The following SPATA9 variants were observed in gnomAD, a reference collection of about 807,000 sequenced individuals.
The protein encoded by SPATA9 is spermatogenesis-associated protein 9.
SPATA9 carries 27 observed loss-of-function variants against 25.5 expected under a neutral mutation model. The observed-to-expected ratio is 1.06, with a 90% CI of 0.78 to 1.46. The LOEUF is 1.46. SPATA9 is among the 40% of genes most tolerant of loss of function. The probability of loss-of-function intolerance (pLI) is 0.00; values close to 1 mark genes in which losing one functional copy is unlikely to be tolerated. For synonymous variants in SPATA9, 102 were observed against 105.7 expected, an observed-to-expected ratio of 0.97 and a Z score of 0.21; for missense variants, 282 against 297.5, an observed-to-expected ratio of 0.95 and a Z score of 0.38.
chr5:95,692,939 A>C (rs541405360), intron 1 of SPATA9, among the ~76,000 whole-genome samples: 1 of 152,316 alleles, frequency 6.6e-6, no homozygotes, highest in South Asian at 2.1e-4. Flanking sequence ...CGATACATTG[A>C]ATTTATTGAC....
At chr5:95,714,569 C>T in the SPATA9 span, among the ~76,000 whole-genome samples, 1 of 152,086 alleles carries the variant, frequency 6.6e-6, no homozygotes, top group East Asian at 1.9e-4. Flanking sequence ...GACCTTGAAA[C>T]AGCAGTGTGA....
At chr5:95,706,644 ATTAAG>A in the SPATA9 span, among the ~76,000 whole-genome samples, 1 of 152,132 alleles carries the variant, frequency 6.6e-6, no homozygotes, top group South Asian at 2.1e-4. Flanking sequence ...AGACAGGTAA[ATTAAG>A]TTGTTTCTCT....
At chr5:95,710,108 C>A in the SPATA9 span, among the ~76,000 whole-genome samples, 8 of 152,168 alleles carry the variant, frequency 5.3e-5, no homozygotes, top group Admixed American at 2.0e-4. Flanking sequence ...CTTGTAAAGC[C>A]TGAGCCCACG....
intron 4 of SPATA9, among the ~76,000 whole-genome samples, chr5:95,662,711 G>T (rs1751377345): frequency 1.3e-5 from 2 of 152,288 alleles, no homozygotes; most frequent in South Asian, 4.1e-4. Flanking sequence ...TTTTAAGAAA[G>T]ACATCTCTCA....
rs1214408619 is a variant in SPATA9, at chr5:95,691,172, T to C, written n.124+7416A>G. Among the ~76,000 whole-genome samples the C allele has an allele frequency of 2.0e-5, 3 of 149,412 alleles. No individual in the cohort carries two copies. The East Asian group carries it at 5.9e-4, about 30-fold the overall frequency. ...GGGAGCTTGCAGTGAGCCGAGATCG[T>C]GCCACTGCACTCCAGCCTGGGCGAC... On this transcript the variant is annotated intron_variant and non_coding_transcript_variant, in intron 1 of 2. Transcript: ENST00000379990.
Position 95,663,948 on chromosome 5 carries a change from C to T in SPATA9, c.474+5G>A, listed in dbSNP as rs748027420. The T allele has an allele frequency of 6.7e-7, 1 of 1,491,472 alleles. No homozygotes were observed. The highest frequency in any genetic ancestry group is 2.0e-5 in the Admixed American group (1 of 49,144). The allele number at this position is 1,491,472 out of a possible 1,614,324, so 92.4% of individuals were successfully genotyped here. A position where few individuals can be genotyped will look rare whatever the true frequency, so the allele number is the denominator to read the frequency against. On this transcript the variant is annotated splice_donor_5th_base_variant and intron_variant, in intron 4 of 4. Coordinates refer to ENST00000274432, the MANE Select transcript of SPATA9 (RefSeq NM_031952.4). ...TTCTAGATTCTAATAATTTTCTTAA[C>T]TTACCAAATAAATTAGTGCTGCATA...
chr5:95,653,385 T>G (rs749454659), downstream of SPATA9, among the ~76,000 whole-genome samples: 5 of 152,240 alleles, frequency 3.3e-5, no homozygotes, highest in Non-Finnish European at 7.3e-5. Flanking sequence ...AGCAGAAGGC[T>G]GAAAACAATG....
chr5:95,708,171 C>A, the SPATA9 span, among the ~76,000 whole-genome samples: 4 of 152,050 alleles, frequency 2.6e-5, no homozygotes, highest in Admixed American at 6.6e-5. Context: ...TAGATTTTCT[C>A]GAACTTTTGG....
upstream of SPATA9, among the ~76,000 whole-genome samples, chr5:95,683,467 G>A (rs555150423): frequency 1.3e-4 from 20 of 152,138 alleles, no homozygotes; most frequent in South Asian, 3.9e-3. Context: ...TAGTTCCCCC[G>A]ATCAAATATG....
At chr5:95,674,984 A>G (rs1752784192) in intron 3 of SPATA9, among the ~76,000 whole-genome samples, 1 of 152,246 alleles carries the variant, frequency 6.6e-6, no homozygotes. Flanking sequence ...TCAACAAAAT[A>G]TAACACAGCC....
At chr5:95,721,844 T>A in the SPATA9 span, among the ~76,000 whole-genome samples, 4 of 152,194 alleles carry the variant, frequency 2.6e-5, no homozygotes, top group African/African-American at 9.7e-5. Context: ...CTAGGTGATC[T>A]ATTAGAATGC....
At chr5:95,722,551 C>T in the SPATA9 span, among the ~76,000 whole-genome samples, 1 of 151,984 alleles carries the variant, frequency 6.6e-6, no homozygotes, top group East Asian at 1.9e-4. Context: ...AGTTCAGTGG[C>T]GTGACCTCGG....
At chr5:95,671,532 C>T (rs1218966772) in intron 3 of SPATA9, among the ~76,000 whole-genome samples, 1 of 152,128 alleles carries the variant, frequency 6.6e-6, no homozygotes, top group Non-Finnish European at 1.5e-5. Flanking sequence ...GCCTCAGCCT[C>T]CTGAGTAGCT....
downstream of SPATA9, chr5:95,656,592 A>C: frequency 4.7e-6 from 1 of 214,694 alleles, no homozygotes; most frequent in Non-Finnish European, 9.1e-6. Context: ...TTTGGAGTAA[A>C]CAAATAATAG....
the SPATA9 span, among the ~76,000 whole-genome samples, chr5:95,711,022 G>A: frequency 2.0e-5 from 3 of 152,066 alleles, no homozygotes; most frequent in East Asian, 1.9e-4. Flanking sequence ...GTGTAAATCC[G>A]ATAAGCCTCC....
chr5:95,678,035 T>A (rs1580335988), intron 2 of SPATA9, among the ~76,000 whole-genome samples: 1 of 152,276 alleles, frequency 6.6e-6, no homozygotes, highest in East Asian at 1.9e-4. Flanking sequence ...ACAGAAGGGT[T>A]GGAAAGAACT....
At chr5:95,657,941 C>G (rs1750864463), downstream of SPATA9, 9 of 151,864 alleles carry the variant, frequency 5.9e-5, 1 homozygote, top group South Asian at 2.1e-4. Flanking sequence ...CAGGCAAAAA[C>G]TAGCCCTGGT....
Position 95,673,834 on chromosome 5 carries a change from T to C in SPATA9, c.378+1578A>G, listed in dbSNP as rs1160003762. ...ATCTTGACTCACTACAACCTCTGCC[T>C]CCCAGTTCAAGTGATTCTCCTGCCT... On this transcript the variant is annotated intron_variant, in intron 3 of 4. Coordinates refer to ENST00000274432, the MANE Select transcript of SPATA9 (RefSeq NM_031952.4). Among the ~76,000 whole-genome samples, 50 of 151,802 alleles carry C rather than the reference T, an allele frequency of 3.3e-4. 1 individual carries two copies. The highest frequency in any genetic ancestry group is 3.3e-3 in the Admixed American group (50 of 15,220).
Position 95,664,038 on chromosome 5 carries a change from C to A in SPATA9, c.389G>T (p.Gly130Val), listed in dbSNP as rs1237483898. Reference protein sequence around the residue: ...QPLYNIQVRKGSLFEIISFPA... With the variant: ...QPLYNIQVRKVSLFEIISFPA... ...AAAGGAGATGATTTCAAACAAAGAA[C>A]CCTTTCTGACCTGCAAAAACAGAAA... Residue 130 changes from glycine (G) to valine (V), a missense_variant, in exon 4 of 5, where the codon GGT becomes GTT. Gly to Val is a moderately radical substitution (Grantham distance 109). Transcript: ENST00000274432. 2.6e-6 allele frequency: 4 copies of A among 1,556,094 alleles called. No individual in the cohort carries two copies. The highest frequency in any genetic ancestry group is 3.5e-6 in the Non-Finnish European group (4 of 1,147,286).
Sources: gnomAD v4.1 joint callset for allele counts (sites outside exome capture counted in the v4.1 genomes callset) on GRCh38, gnomAD v4.1.1 for gene constraint, MANE v1.5 for transcripts, NCBI Gene and HGNC (gene_info 2026-07-23, HGNC 2026-07-21) for gene names.